Variants in ALG12 observed in about 807,000 individuals in gnomAD.
ALG12 encodes ALG12 alpha-1,6-mannosyltransferase.
A neutral mutation model predicts 46.0 loss-of-function variants in ALG12; 36 were observed. That is an observed-to-expected ratio of 0.78 (90% confidence interval 0.60 to 1.03). The LOEUF is 1.03. Ranked by LOEUF, ALG12 falls within the 50% of genes least tolerant of loss-of-function variation. The pLI, the probability that ALG12 is intolerant of heterozygous loss-of-function variation, is 0.00. For synonymous variants in ALG12, 326 were observed against 291.6 expected, an observed-to-expected ratio of 1.12 and a Z score of -1.20; for missense variants, 599 against 633.5, an observed-to-expected ratio of 0.95 and a Z score of 0.58.
rs1410146441 is a variant in ALG12, at chr22:49,910,082, A to C, written c.476T>G (p.Leu159Arg). ...PNVLALPVVL[L>R]ALAAWLRHEW... Reference sequence around the variant, plus strand: ...GTGCCGCAGCCAGGCCGCGAGGGCCAGCAGGACTGCAAGACAGTGCGGGAG... The same window carrying C: ...GTGCCGCAGCCAGGCCGCGAGGGCCCGCAGGACTGCAAGACAGTGCGGGAG... Residue 159 changes from leucine to arginine, a missense_variant, in exon 5 of 10, where the codon CTG becomes CGG. Leu to Arg is a moderately radical substitution (Grantham distance 102). Coordinates refer to ENST00000330817, the MANE Select transcript of ALG12 (RefSeq NM_024105.4). 1 of 1,607,246 alleles carries C rather than the reference A, an allele frequency of 6.2e-7. No homozygotes were observed. The highest frequency in any genetic ancestry group is 1.3e-5 in the African/African-American group (1 of 74,854).
In ALG12 at chr22:49,913,375, A is replaced by G; in HGVS notation, c.295+10T>C. On this transcript the variant is annotated intron_variant, in intron 3 of 9. Transcript: ENST00000330817. ...CTCACTCCCTCCTCCTTTGTTGAAG[A>G]CCCCCTTACCTATTAGCTGAGAGTA... 1 of 1,613,580 alleles carries G rather than the reference A, an allele frequency of 6.2e-7. No homozygotes were observed. Among genetic ancestry groups the G allele is most frequent in the Non-Finnish European group, 8.5e-7 (1 of 1,180,000 alleles).
chr22:49,907,980 A>G (rs2060553376), intron 6 of ALG12, 36 bp from the exon 7 acceptor site: 2 of 1,601,350 alleles, frequency 1.2e-6, no homozygotes, highest in Non-Finnish European at 1.7e-6. Flanking sequence ...GCACCTGTCC[A>G]CGCATGAGCC....
chr22:49,911,434 CTTT>C (rs869143798), intron 3 of ALG12, among the ~76,000 whole-genome samples: 2 of 145,158 alleles, frequency 1.4e-5, no homozygotes. Context: ...CTGCAAATGT[CTTT>C]TTTTTTTTCT....
At chr22:49,899,929 C>T (rs1332830974), downstream of ALG12, among the ~76,000 whole-genome samples, 1 of 152,106 alleles carries the variant, frequency 6.6e-6, no homozygotes, top group Non-Finnish European at 1.5e-5. Context: ...GAGGCCAAGG[C>T]AGGAGGATTG....
At chr22:49,886,967 C>T in the ALG12 span, 1 of 1,614,082 alleles carries the variant, frequency 6.2e-7, no homozygotes, top group South Asian at 1.1e-5. The surrounding 1 kb of genome is among the most constrained non-coding windows in gnomAD (Gnocchi z 7.7). Context: ...GACCCGCTCA[C>T]CTACTGGAAC....
intron 6 of ALG12, among the ~76,000 whole-genome samples, chr22:49,908,631 T>C (rs746697290): frequency 4.8e-5 from 7 of 144,984 alleles, no homozygotes; most frequent in Non-Finnish European, 7.5e-5. Flanking sequence ...ATGTTTGACA[T>C]AATTCCTAAG....
the ALG12 span, chr22:49,887,313 C>T: frequency 1.1e-6 from 1 of 941,588 alleles, no homozygotes; most frequent in Non-Finnish European, 1.6e-6. Flanking sequence ...CTCCAGCTCA[C>T]CACAGTGTCT....
intron 3 of ALG12, among the ~76,000 whole-genome samples, chr22:49,912,221 G>C (rs796718378): frequency 2.5e-4 from 38 of 152,316 alleles, no homozygotes; most frequent in Admixed American, 7.8e-4. Context: ...CAGGGGCTGG[G>C]GGGGGCACTA....
At chr22:49,913,358 C>G (rs1226322803) in intron 3 of ALG12, 27 bp downstream of exon 3, 1 of 1,613,120 alleles carries the variant, frequency 6.2e-7, no homozygotes, top group Non-Finnish European at 8.5e-7. Flanking sequence ...CCCTCACTCC[C>G]TCCTCCTTTG....
chr22:49,875,480 G>A, the ALG12 span, among the ~76,000 whole-genome samples: 6 of 149,954 alleles, frequency 4.0e-5, no homozygotes, highest in East Asian at 7.9e-4. Flanking sequence ...GAGTACAGTG[G>A]CGCCATCTTG....
chr22:49,866,957 T>C, the ALG12 span, among the ~76,000 whole-genome samples: 1 of 152,112 alleles, frequency 6.6e-6, no homozygotes, highest in Non-Finnish European at 1.5e-5. Context: ...CTTGCATTGG[T>C]TTGGTTTGCT....
chr22:49,865,186 T>G, the ALG12 span, among the ~76,000 whole-genome samples: 2 of 152,106 alleles, frequency 1.3e-5, no homozygotes, highest in African/African-American at 4.8e-5. Flanking sequence ...GCACAGCAGT[T>G]ACTACACTGA....
the ALG12 span, among the ~76,000 whole-genome samples, chr22:49,877,728 A>G: frequency 3.9e-5 from 6 of 152,158 alleles, no homozygotes; most frequent in Admixed American, 3.3e-4. Flanking sequence ...GAATCTTCAT[A>G]TGGACATGCT....
At chr22:49,908,581 C>G (rs183994690) in intron 6 of ALG12, among the ~76,000 whole-genome samples, 1 of 142,556 alleles carries the variant, frequency 7.0e-6, no homozygotes, top group African/African-American at 2.8e-5. Flanking sequence ...ACGGGTGACA[C>G]ACATGTTGGG....
At chr22:49,892,103 G>A in the ALG12 span, among the ~76,000 whole-genome samples, 7 of 150,270 alleles carry the variant, frequency 4.7e-5, no homozygotes, top group South Asian at 1.5e-3. Context: ...CAGGAGAATG[G>A]CGTGAACCTG....
the ALG12 span, chr22:49,887,255 C>A: frequency 6.9e-7 from 1 of 1,451,128 alleles, no homozygotes; most frequent in Non-Finnish European, 9.3e-7. Context: ...ATGACCCGCT[C>A]TGCCCACGGC....
At chr22:49,884,280 C>T in the ALG12 span, 1 of 1,612,050 alleles carries the variant, frequency 6.2e-7, no homozygotes, top group Non-Finnish European at 8.5e-7. Context: ...TCTCACCCAT[C>T]AAACTTGTCC....
At chr22:49,874,672 C>CAT in the ALG12 span, among the ~76,000 whole-genome samples, 1 of 37,314 alleles carries the variant, frequency 2.7e-5, no homozygotes, top group South Asian at 2.1e-3. Flanking sequence ...CATGCCCAGC[C>CAT]TTTTTTTTTT....
In ALG12 at chr22:49,901,792, GGTAT is replaced by G. The variant is rs1320585553; in HGVS notation, c.*2042_*2045del. The G allele has an allele frequency of 7.5e-6, 1 of 132,538 alleles. No homozygotes were observed. Among genetic ancestry groups the G allele is most frequent in the East Asian group, 2.1e-4 (1 of 4,724 alleles). 8.2% of individuals were successfully genotyped at this position (132,538 alleles called of 1,614,324 possible). On this transcript the variant is annotated 3_prime_UTR_variant, in exon 10 of 10. Coordinates refer to ENST00000330817, the MANE Select transcript of ALG12 (RefSeq NM_024105.4). ...TAATGTGCACGTGTGCACTGTGTGT[GGTAT>G]GTATGCATGGTGTGTGCACGTGTGC...
Sources: gnomAD v4.1 joint callset for allele counts (sites outside exome capture counted in the v4.1 genomes callset) on GRCh38, gnomAD v4.1.1 for gene constraint, Gnocchi (gnomAD v3.1) non-coding constraint, MANE v1.5 for transcripts, NCBI Gene and HGNC (gene_info 2026-07-23, HGNC 2026-07-21) for gene names.